Variants in RGS17 observed in about 807,000 individuals in gnomAD.
RGS17 encodes regulator of G-protein signaling 17.
Under a neutral mutation model 25.5 loss-of-function variants are expected in RGS17, and 12 were observed. That is an observed-to-expected ratio of 0.47 (90% CI 0.30 to 0.76). RGS17 has a LOEUF of 0.76. Among genes scored for constraint, RGS17 ranks in the 30% least tolerant of loss-of-function variants. The pLI, the probability that RGS17 is intolerant of heterozygous loss-of-function variation, is 0.07. For missense variants in RGS17, 196 were observed against 242.2 expected, an observed-to-expected ratio of 0.81 and a Z score of 1.27; for synonymous variants, 71 against 76.9, an observed-to-expected ratio of 0.92 and a Z score of 0.40.
chr6:153,118,023 A>G (rs565574517), intron 1 of RGS17, among the ~76,000 whole-genome samples: 53 of 152,234 alleles, frequency 3.5e-4, no homozygotes, highest in Non-Finnish European at 7.1e-4. Flanking sequence ...AAGTGGTGAC[A>G]TTTGAATGGA....
intron 1 of RGS17, among the ~76,000 whole-genome samples, chr6:153,052,255 T>C (rs1417676583): frequency 2.4e-5 from 1 of 41,456 alleles, no homozygotes; most frequent in East Asian, 5.8e-4. Flanking sequence ...GTCTGGAAAA[T>C]GGGACCTCTG....
At chr6:153,044,099 G>A (rs575144132) in intron 1 of RGS17, 56 bp from the exon 2 acceptor site, 12 of 816,192 alleles carry the variant, frequency 1.5e-5, no homozygotes, top group South Asian at 7.2e-5. Context: ...GATAAGTTGC[G>A]TATGCTGAAG....
intron 1 of RGS17, among the ~76,000 whole-genome samples, chr6:153,110,421 A>AACATACACAC (rs1777450179): frequency 1.5e-5 from 1 of 68,778 alleles, no homozygotes; most frequent in African/African-American, 5.6e-5. Flanking sequence ...CTTTACTGCC[A>AACATACACAC]ACATACACAC....
chr6:153,127,173 G>A (rs1777716487), intron 1 of RGS17, among the ~76,000 whole-genome samples: 1 of 152,184 alleles, frequency 6.6e-6, no homozygotes, highest in Admixed American at 6.5e-5. Context: ...GATCAGACAG[G>A]AGGAGGAGCT....
intron 4 of RGS17, 57 bp downstream of exon 4, chr6:153,024,205 C>T (rs529124241): frequency 1.7e-6 from 2 of 1,156,798 alleles, no homozygotes; most frequent in East Asian, 4.8e-5. Context: ...GACAGCCATC[C>T]CTTGACGGTT....
At chr6:153,016,866 G>A (rs1779190551) in intron 4 of RGS17, among the ~76,000 whole-genome samples, 1 of 152,160 alleles carries the variant, frequency 6.6e-6, no homozygotes, top group Non-Finnish European at 1.5e-5. Flanking sequence ...AGGTATTGGT[G>A]GTGGATCCCA....
Position 153,023,328 on chromosome 6 carries a change from G to T in RGS17, c.444+934C>A, listed in dbSNP as rs1363893923. The T allele has an allele frequency of 6.0e-6, 3 of 503,382 alleles. No homozygotes were observed. In the Admixed American group the frequency reaches 6.0e-5, roughly 10 times the overall value. 31.2% of individuals were successfully genotyped at this position (503,382 alleles called of 1,614,324 possible). The stretch of plus-strand genomic sequence containing the variant: ...AAATGCAAAGGTAAAAATCACAGTT[G>T]TTTAGGAGAAACAAAAAAGACAAAA... On this transcript the variant is annotated intron_variant, in intron 4 of 4. Coordinates refer to ENST00000206262, the MANE Select transcript of RGS17 (RefSeq NM_012419.5).
In RGS17 at chr6:153,039,188, G is replaced by A. The variant is rs553918829; in HGVS notation, c.119+4712C>T. 3.1e-4 allele frequency among the ~76,000 whole-genome samples: 47 copies of A among 152,248 alleles called. 1 individual carries two copies. Among genetic ancestry groups the A allele is most frequent in the African/African-American group, 1.1e-3 (45 of 41,536 alleles). Reference sequence around the variant, plus strand: ...CACATTAAAGTGGACCGAACAACGGGACTAGACATTCAGAGGCTTGCATCT... The same window carrying A: ...CACATTAAAGTGGACCGAACAACGGAACTAGACATTCAGAGGCTTGCATCT... On this transcript the variant is annotated intron_variant, in intron 2 of 4. Coordinates refer to ENST00000206262, the MANE Select transcript of RGS17 (RefSeq NM_012419.5).
rs1196731631 is a variant in RGS17 at position 153,071,335 on chromosome 6, A to G, written c.-25-27292T>C. On this transcript the variant is annotated intron_variant, in intron 1 of 4. Transcript: ENST00000206262. ...GTACTAAGCATAACAATGGGCACAG[A>G]GTAGGTACTTGGCTCTCATCAGCTA... Among the ~76,000 whole-genome samples, 3 of 151,994 alleles carry G rather than the reference A, an allele frequency of 2.0e-5. No individual in the cohort carries two copies. In the East Asian group the frequency reaches 5.8e-4, roughly 29 times the overall value.
chr6:153,114,367 C>A (rs1036160627), intron 1 of RGS17, among the ~76,000 whole-genome samples: 1 of 152,092 alleles, frequency 6.6e-6, no homozygotes, highest in Non-Finnish European at 1.5e-5. Context: ...TAAACCCTCC[C>A]AAGACTAAAC....
At chr6:153,098,895 G>C (rs1777255691) in intron 1 of RGS17, among the ~76,000 whole-genome samples, 1 of 152,180 alleles carries the variant, frequency 6.6e-6, no homozygotes, top group Non-Finnish European at 1.5e-5. Context: ...CTGGTGCATT[G>C]ATGGAGTAAA....
rs112080319 is a variant in RGS17 at position 153,039,583 on chromosome 6, G to A, written c.119+4317C>T. Among the ~76,000 whole-genome samples, 935 of 152,288 alleles carry A rather than the reference G, an allele frequency of 6.1e-3. 11 individuals carry two copies. Among genetic ancestry groups the A allele is most frequent in the African/African-American group, 0.021 (893 of 41,558 alleles). On this transcript the variant is annotated intron_variant, in intron 2 of 4. Coordinates refer to ENST00000206262, the MANE Select transcript of RGS17 (RefSeq NM_012419.5). Reference sequence around the variant, plus strand: ...TGCTTGATGGGACACCCACAGAAGCGTCAGTATTAAAAGAGGAATTAGTAC... The same window carrying A: ...TGCTTGATGGGACACCCACAGAAGCATCAGTATTAAAAGAGGAATTAGTAC...
In RGS17 at chr6:153,033,803, G is replaced by A. The variant is rs1207144968; in HGVS notation, c.120-7260C>T. On this transcript the variant is annotated intron_variant, in intron 2 of 4. Transcript: ENST00000206262. ...GAATCTTCTATACCTCAGTTCTCAC[G>A]TTGATTAAAATCCTATTTTAAGCTA... Among the ~76,000 whole-genome samples the A allele has an allele frequency of 5.3e-5, 8 of 152,040 alleles. No individual in the cohort carries two copies. The East Asian group carries it at 7.7e-4, about 15-fold the overall frequency.
Position 153,007,577 on chromosome 6 carries a change from AAAAATATTATTATT to A in RGS17, c.*3983_*3996del, listed in dbSNP as rs1779088906. ...TATAGGCATTTTCTGTCTAAGACTT[AAAAATATTATTATT>A]ATAATTATTATTATTATTTTGAGAT... On this transcript the variant is annotated 3_prime_UTR_variant, in exon 5 of 5. Coordinates refer to ENST00000206262, the MANE Select transcript of RGS17 (RefSeq NM_012419.5). 6.6e-6 allele frequency: 1 copy of A among 151,804 alleles called. No homozygotes were observed. The highest frequency in any genetic ancestry group is 1.5e-5 in the Non-Finnish European group (1 of 67,934). The allele number at this position is 151,804 out of a possible 1,614,324, so 9.4% of individuals were successfully genotyped here. A position where few individuals can be genotyped will look rare whatever the true frequency, so the allele number is the denominator to read the frequency against.
intron 1 of RGS17, among the ~76,000 whole-genome samples, chr6:153,125,582 T>A (rs77109229): frequency 0.021 from 3,173 of 152,286 alleles, 108 homozygotes; most frequent in African/African-American, 0.071. Context: ...AATTTTACAC[T>A]TTCAGCTGGG....
intron 1 of RGS17, among the ~76,000 whole-genome samples, chr6:153,053,571 G>C (rs960014824): frequency 6.6e-6 from 1 of 152,126 alleles, no homozygotes; most frequent in Non-Finnish European, 1.5e-5. Context: ...AGGACCACTT[G>C]AGGCCAAGAG....
intron 1 of RGS17, among the ~76,000 whole-genome samples, chr6:153,079,177 A>G (rs1006470471): frequency 6.6e-6 from 1 of 152,030 alleles, no homozygotes; most frequent in South Asian, 2.1e-4. Flanking sequence ...TGCCGGGTTC[A>G]AGCAATTCTC....
At chr6:153,097,567 G>A (rs1777236499) in intron 1 of RGS17, among the ~76,000 whole-genome samples, 1 of 151,950 alleles carries the variant, frequency 6.6e-6, no homozygotes, top group African/African-American at 2.4e-5. Flanking sequence ...CTGGGAGCAG[G>A]GCGTGCAGTG....
chr6:153,091,425 A>G (rs888020222), intron 1 of RGS17, among the ~76,000 whole-genome samples: 3 of 152,168 alleles, frequency 2.0e-5, no homozygotes, highest in African/African-American at 4.8e-5. Flanking sequence ...TAAAATCTCC[A>G]TAACTACATA....
Sources: allele counts gnomAD v4.1 joint callset (sites outside exome capture counted in the v4.1 genomes callset), GRCh38; gene constraint gnomAD v4.1.1; transcripts MANE v1.5; gene names NCBI Gene and HGNC (gene_info 2026-07-23, HGNC 2026-07-21).